Variants in SPRYD3 observed in about 807,000 individuals in gnomAD.
SPRYD3 encodes the protein SPRY domain-containing protein 3.
SPRYD3 carries 17 observed loss-of-function variants against 50.1 expected under a neutral mutation model. The ratio of observed to expected loss-of-function variants is 0.34; its 90% CI spans 0.23 to 0.51. The LOEUF is 0.51. Among genes scored for constraint, SPRYD3 ranks in the 20% least tolerant of loss-of-function variants. The pLI is 0.97. For synonymous variants in SPRYD3, 198 were observed against 215.5 expected (o/e 0.92, Z 0.71); for missense variants, 401 against 591.2 (o/e 0.68, Z 3.34).
chr12:53,075,537 G>T (rs1049077676), intron 3 of SPRYD3, among the ~76,000 whole-genome samples, 199 bp downstream of exon 3: 1 of 152,142 alleles, frequency 6.6e-6, no homozygotes, highest in Non-Finnish European at 1.5e-5. Context: ...GAGCAGAAGG[G>T]ACAGGGTGAC....
rs1444903294 is a variant in SPRYD3, at chr12:53,073,464, G to A, written c.515C>T (p.Ser172Phe). 1 of 1,540,898 alleles carries A rather than the reference G, an allele frequency of 6.5e-7. No individual in the cohort carries two copies. Among genetic ancestry groups the A allele is most frequent in the Admixed American group, 2.0e-5 (1 of 50,844 alleles). ...FFTKNGKRVG[S>F]TIMPMSPDGL... is the part of the protein sequence containing the mutation. ...ATCTGGGGACATGGGCATGATGGTA[G>A]AGCCCACCTGCAGTGGGGGGAAAGA... The change falls in exon 6 of 11, where the codon TCT (serine) becomes TTT (phenylalanine). Residue 172 changes from serine (S) to phenylalanine (F), a missense_variant. By Grantham distance (155) the Ser-to-Phe change is radical (BLOSUM62 -2). Transcript: ENST00000301463.
intron 5 of SPRYD3, among the ~76,000 whole-genome samples, chr12:53,073,719 C>T (rs1390064045): frequency 6.6e-6 from 1 of 151,954 alleles, no homozygotes; most frequent in Non-Finnish European, 1.5e-5. Context: ...TGGCGGGCGC[C>T]TGTAGTCCCA....
At chr12:53,066,084 G>A (rs1388898781) in intron 10 of SPRYD3, 118 bp from the exon 11 acceptor site, 9 of 1,424,290 alleles carry the variant, frequency 6.3e-6, no homozygotes, top group South Asian at 1.3e-5. Flanking sequence ...GCTGGAGAGG[G>A]GCAGTTAAGG....
rs1944584560 is a variant in SPRYD3 at position 53,075,889 on chromosome 12, T to C, written c.171-78A>G. 2.7e-5 allele frequency: 31 copies of C among 1,151,998 alleles called. No individual in the cohort carries two copies. In the South Asian group the frequency reaches 3.7e-4, roughly 14 times the overall value. The allele number at this position is 1,151,998 out of a possible 1,614,324, so 71.4% of individuals were successfully genotyped here. A position where few individuals can be genotyped will look rare whatever the true frequency, so the allele number is the denominator to read the frequency against. ...GGGAGGGCCTCAGCTTCTCCCACCCTTACCCTGCAAGGGCCAGCACACAGG... is the reference window on the plus strand; with the variant it reads ...GGGAGGGCCTCAGCTTCTCCCACCCCTACCCTGCAAGGGCCAGCACACAGG... On this transcript the variant is annotated intron_variant, in intron 2 of 10. Transcript: ENST00000301463.
chr12:53,074,900 C>A lies in SPRYD3; in HGVS notation c.372-116G>T. On this transcript the variant is annotated intron_variant, in intron 4 of 10. Transcript: ENST00000301463. This position sits in a 1 kb window ranked among gnomAD's most constrained non-coding sequence, Gnocchi z 4.6. ...TGCTCCTGGTCATTCTGTGATGGTA[C>A]CCACTTACGTCCTGGCGTGAGCATC... 7.1e-7 allele frequency: 1 copy of A among 1,414,224 alleles called. No individual in the cohort carries two copies. The highest frequency in any genetic ancestry group is 9.9e-7 in the Non-Finnish European group (1 of 1,015,228). 87.6% of individuals were successfully genotyped at this position (1,414,224 alleles called of 1,614,324 possible). A position where few individuals can be genotyped will look rare whatever the true frequency, so the allele number is the denominator to read the frequency against.
rs948091130 is a variant in SPRYD3 at position 53,073,352 on chromosome 12, G to A, written c.627C>T (p.Ser209=). The change falls in exon 6 of 11, where the codon AGC becomes AGT. Residue 209 remains serine, a synonymous_variant. Coordinates refer to ENST00000301463, the MANE Select transcript of SPRYD3 (RefSeq NM_032840.3). The part of the protein sequence containing the change: ...LNAELGREDD[S]VMMVDSYEDE... Reference sequence around the variant, plus strand: ...CCTCGTAACTGTCCACCATCATGACGCTGTCGTCCTCACGGCCCAGCTCAG... The same window carrying A: ...CCTCGTAACTGTCCACCATCATGACACTGTCGTCCTCACGGCCCAGCTCAG... The A allele has an allele frequency of 3.6e-5, 55 of 1,544,822 alleles. No homozygotes were observed. Among genetic ancestry groups the A allele is most frequent in the South Asian group, 5.7e-5 (5 of 87,308 alleles).
At chr12:53,073,628 A>C (rs1169306038) in intron 5 of SPRYD3, among the ~76,000 whole-genome samples, 157 bp from the exon 6 acceptor site, 2 of 151,996 alleles carry the variant, frequency 1.3e-5, no homozygotes, top group Non-Finnish European at 2.9e-5. Flanking sequence ...GCGGATCACA[A>C]GGTCAGGAGA....
rs1166912372 is a variant in SPRYD3 at position 53,066,483 on chromosome 12, T to C, written c.1025A>G (p.Asp342Gly). The C allele has an allele frequency of 2.5e-6, 4 of 1,614,074 alleles. No individual in the cohort carries two copies. Among genetic ancestry groups the C allele is most frequent in the Non-Finnish European group, 3.4e-6 (4 of 1,179,992 alleles). ...PRDYILDSEGDSDDSCDTVIL... is the reference protein window; with the variant it reads ...PRDYILDSEGGSDDSCDTVIL... ...CACTGTGTCACAACTGTCATCACTG[T>C]CCCCTAGGAGACCAGGAAACCTGAG... is the stretch of plus-strand genomic sequence containing the variant. The change falls in exon 10 of 11, where the codon GAC (aspartate) becomes GGC (glycine). Residue 342 changes from aspartate to glycine, a missense_variant. Transcript: ENST00000301463.
intron 10 of SPRYD3, 28 bp downstream of exon 10, chr12:53,066,286 G>C: frequency 6.2e-7 from 1 of 1,606,714 alleles, no homozygotes; most frequent in Non-Finnish European, 8.5e-7. Flanking sequence ...CAAAAACCCT[G>C]GTCCCACCTC....
chr12:53,079,303 C>A lies in SPRYD3; in HGVS notation c.23+8G>T. On this transcript the variant is annotated splice_region_variant and intron_variant, in intron 1 of 10. Transcript: ENST00000301463. ...GCCTCCGGGACCCCGCCCCCGATCC[C>A]CGCCTACCGGGGCCGCCGCGTCCTC... 1 of 1,607,280 alleles carries A rather than the reference C, an allele frequency of 6.2e-7. No homozygotes were observed. Among genetic ancestry groups the A allele is most frequent in the African/African-American group, 1.3e-5 (1 of 74,816 alleles).
chr12:53,078,845 CTTGGCTGGGCTGAATTTGATCCCAA>C (rs1275072195), intron 1 of SPRYD3, among the ~76,000 whole-genome samples: 1 of 152,186 alleles, frequency 6.6e-6, no homozygotes, highest in Admixed American at 6.5e-5. Flanking sequence ...CTTAGTAAGC[CTTGGCTGGGCTGAATTTGATCCCAA>C]TACGCAAATT....
intron 8 of SPRYD3, 66 bp from the exon 9 acceptor site, chr12:53,066,758 G>A: frequency 6.5e-7 from 1 of 1,534,382 alleles, no homozygotes; most frequent in Non-Finnish European, 8.8e-7. Context: ...CCCCAGAGTG[G>A]CTCATGAAGC....
intron 1 of SPRYD3, among the ~76,000 whole-genome samples, chr12:53,077,470 A>T (rs1265402554): frequency 6.6e-6 from 1 of 152,260 alleles, no homozygotes. Context: ...TGGAGCTGTG[A>T]ACAAGATGGA....
rs777481546 is a variant in SPRYD3 at position 53,073,267 on chromosome 12, C to A, written c.693+19G>T. The A allele has an allele frequency of 1.4e-5, 3 of 209,924 alleles. No individual in the cohort carries two copies. The highest frequency in any genetic ancestry group is 1.1e-4 in the South Asian group (2 of 18,928). 13.0% of individuals were successfully genotyped at this position (209,924 alleles called of 1,614,324 possible). ...CCTCCTCCGACCCAGCCCCTCCCAC[C>A]CTCCCACCCGCTACTTACAGTCCCA... On this transcript the variant is annotated intron_variant, in intron 6 of 10. Coordinates refer to ENST00000301463, the MANE Select transcript of SPRYD3 (RefSeq NM_032840.3).
chr12:53,073,178 C>T (rs1592265827), intron 6 of SPRYD3, 108 bp downstream of exon 6: 3 of 713,288 alleles, frequency 4.2e-6, no homozygotes, highest in Non-Finnish European at 7.1e-6. Context: ...CACACGGACA[C>T]TGTCCCGACT....
At chr12:53,066,919 C>T (rs1299590490) in intron 8 of SPRYD3, among the ~76,000 whole-genome samples, 2 of 152,122 alleles carry the variant, frequency 1.3e-5, no homozygotes, top group Non-Finnish European at 2.9e-5. Context: ...TTGAGACCAG[C>T]ATGGCCAGCA....
intron 6 of SPRYD3, 30 bp downstream of exon 6, chr12:53,073,256 G>GCCCCCGGGGGGGGGGGGCCCCCCCCCCC: frequency 4.7e-6 from 2 of 424,134 alleles, no homozygotes; most frequent in Admixed American, 4.2e-5. Context: ...CTCCGACCCA[G>GCCCCCGGGGGGGGGGGGCCCCCCCCCCC]CCCCTCCCAC....
chr12:53,072,963 C>G (rs540609441), intron 6 of SPRYD3, among the ~76,000 whole-genome samples: 1 of 152,330 alleles, frequency 6.6e-6, no homozygotes, highest in East Asian at 1.9e-4. Context: ...CCCAGCCCCT[C>G]AAAGGCAGTT....
chr12:53,066,139 C>G (rs1944503672), intron 10 of SPRYD3, among the ~76,000 whole-genome samples, 173 bp from the exon 11 acceptor site: 1 of 152,306 alleles, frequency 6.6e-6, no homozygotes, highest in Middle Eastern at 3.4e-3. Flanking sequence ...GGCCGGAAAA[C>G]AGCCTCCCAA....
Sources: gnomAD v4.1 joint callset for allele counts (sites outside exome capture counted in the v4.1 genomes callset) on GRCh38, gnomAD v4.1.1 for gene constraint, Gnocchi (gnomAD v3.1) non-coding constraint, MANE v1.5 for transcripts, NCBI Gene and HGNC (gene_info 2026-07-23, HGNC 2026-07-21) for gene names.